PTPRD: variants seen among roughly 807,000 people sequenced by gnomAD.
PTPRD encodes receptor-type tyrosine-protein phosphatase delta.
PTPRD carries 34 observed loss-of-function variants against 214.5 expected under a neutral mutation model. The observed-to-expected ratio is 0.16, with a 90% CI of 0.12 to 0.21. The LOEUF is 0.21. PTPRD is among the 10% of genes least tolerant of loss of function. The probability of loss-of-function intolerance (pLI) is 1.00; values close to 1 mark genes in which losing one functional copy is unlikely to be tolerated. For missense variants in PTPRD, 2,545 were observed against 2,398.7 expected (o/e 1.06, Z -1.27); for synonymous variants, 1,128 against 845.7 (o/e 1.33, Z -5.79).
intron 11 of PTPRD, among the ~76,000 whole-genome samples, chr9:9,013,768 T>G (rs892749936): frequency 5.9e-5 from 9 of 152,122 alleles, no homozygotes; most frequent in African/African-American, 2.2e-4. Context: ...GTACCCACTG[T>G]TTTTTCCAGT....
intron 4 of PTPRD, among the ~76,000 whole-genome samples, chr9:9,986,187 T>A (rs535257400): frequency 3.3e-5 from 5 of 152,120 alleles, no homozygotes; most frequent in Admixed American, 1.3e-4. Flanking sequence ...CAAAGTTCTG[T>A]AGAACGCTCC....
chr9:9,836,106 G>T (rs914484345), intron 5 of PTPRD, among the ~76,000 whole-genome samples: 9 of 152,142 alleles, frequency 5.9e-5, no homozygotes, highest in Non-Finnish European at 1.2e-4. Context: ...ACTAAATCAT[G>T]GGCAGAGCCC....
rs774243888 is a variant in PTPRD, at chr9:8,319,896, C to T, written c.5605G>A (p.Val1869Ile). 1.9e-6 allele frequency: 3 copies of T among 1,613,096 alleles called. No individual in the cohort carries two copies. The highest frequency in any genetic ancestry group is 2.2e-5 in the South Asian group (2 of 91,070). Residue 1869 changes from valine (V) to isoleucine (I), a missense_variant, in exon 45 of 46, where the codon GTT (valine) becomes ATT (isoleucine). Val to Ile is a conservative substitution (Grantham distance 29). Coordinates refer to ENST00000381196, the MANE Select transcript of PTPRD (RefSeq NM_002839.4). ...TTGACAGTCTGGAAGATATCTACAA[C>T]TCCTTCATATCTCATTCTTTCCAAA... is the stretch of plus-strand genomic sequence containing the variant. ...IVLERMRYEG[V>I]VDIFQTVKML...
chr9:9,496,949 C>G (rs948640355), intron 8 of PTPRD, among the ~76,000 whole-genome samples: 2 of 152,058 alleles, frequency 1.3e-5, no homozygotes, highest in African/African-American at 2.4e-5. Flanking sequence ...TATGCTACAA[C>G]ATGGATTTTG....
intron 3 of PTPRD, among the ~76,000 whole-genome samples, chr9:10,297,216 G>T (rs966429559): frequency 1.1e-4 from 17 of 151,002 alleles, no homozygotes; most frequent in African/African-American, 4.1e-4. Context: ...CATGTTGTGT[G>T]CTGCAACTGC....
intron 7 of PTPRD, among the ~76,000 whole-genome samples, chr9:9,732,106 A>C (rs571893547): frequency 6.6e-6 from 1 of 152,092 alleles, no homozygotes; most frequent in Non-Finnish European, 1.5e-5. Context: ...GGCCTTGAGG[A>C]ATGAATAGGA....
chr9:9,596,538 TTG>T lies in PTPRD; in HGVS notation c.-286-21759_-286-21758del, dbSNP rs1272785310. Among the ~76,000 whole-genome samples, 7 of 152,108 alleles carry T rather than the reference TTG, an allele frequency of 4.6e-5. 1 individual carries two copies. The highest frequency in any genetic ancestry group is 7.2e-5 in the African/African-American group (3 of 41,560). ...CCATCACTATCATCTGATATATCAT[TTG>T]TGATTTTAGCAATGTTTTTCTAAGA... On this transcript the variant is annotated intron_variant, in intron 7 of 45. Transcript: ENST00000381196.
intron 11 of PTPRD, among the ~76,000 whole-genome samples, chr9:8,965,613 T>C (rs1325878048): frequency 6.6e-6 from 1 of 152,102 alleles, no homozygotes; most frequent in Admixed American, 6.6e-5. Flanking sequence ...TTTGCTGTTG[T>C]TGGTTTAAAG....
At chr9:9,763,374 T>A (rs575483379) in intron 6 of PTPRD, among the ~76,000 whole-genome samples, 20 of 152,316 alleles carry the variant, frequency 1.3e-4, no homozygotes, top group African/African-American at 4.8e-4. Context: ...CCCATCCATA[T>A]GTATCTGTTT....
rs568706546 is a variant in PTPRD, at chr9:8,377,866, A to G, written c.4387-1140T>C. The stretch of plus-strand genomic sequence containing the variant: ...TATGAGTATTTGTAACATTCTGTGA[A>G]TAATACTGTAATTTTCTCTTTCACA... On this transcript the variant is annotated intron_variant, in intron 37 of 45. Coordinates refer to ENST00000381196, the MANE Select transcript of PTPRD (RefSeq NM_002839.4). 2.0e-3 allele frequency among the ~76,000 whole-genome samples: 311 copies of G among 152,212 alleles called. 2 individuals carry two copies. The highest frequency in any genetic ancestry group is 7.2e-3 in the African/African-American group (301 of 41,554).
At chr9:9,929,908 T>C (rs976019509) in intron 5 of PTPRD, among the ~76,000 whole-genome samples, 5 of 152,224 alleles carry the variant, frequency 3.3e-5, no homozygotes, top group African/African-American at 1.2e-4. Context: ...ACTGCTCTGA[T>C]TTTGGATGAC....
intron 7 of PTPRD, among the ~76,000 whole-genome samples, chr9:9,606,962 T>C (rs1272885915): frequency 3.4e-5 from 2 of 59,656 alleles, no homozygotes; most frequent in African/African-American, 7.5e-5. Context: ...TACTCAGCAC[T>C]GCTAAAAAAA....
chr9:9,607,972 T>C (rs1000171575), intron 7 of PTPRD, among the ~76,000 whole-genome samples: 3 of 152,064 alleles, frequency 2.0e-5, no homozygotes, highest in African/African-American at 7.2e-5. Flanking sequence ...GAGGAAACAG[T>C]CTGGATTTGG....
intron 3 of PTPRD, among the ~76,000 whole-genome samples, chr9:10,320,971 G>A (rs1016155218): frequency 2.0e-5 from 3 of 151,796 alleles, no homozygotes; most frequent in Non-Finnish European, 4.4e-5. Flanking sequence ...CAAGCAATCC[G>A]ACCTTGGCCT....
intron 14 of PTPRD, among the ~76,000 whole-genome samples, chr9:8,603,515 A>G (rs897197703): frequency 2.8e-4 from 42 of 152,104 alleles, no homozygotes; most frequent in Admixed American, 4.6e-4. Flanking sequence ...CTTTTTTCCT[A>G]TAACGTGAAT....
intron 5 of PTPRD, among the ~76,000 whole-genome samples, chr9:9,925,834 G>GTTTGTTTGT (rs1369203182): frequency 6.6e-6 from 1 of 151,870 alleles, no homozygotes; most frequent in African/African-American, 2.4e-5. Context: ...CCCTTTGTTT[G>GTTTGTTTGT]TTTGTTTGTT....
At chr9:9,883,920 G>C (rs1166778895) in intron 5 of PTPRD, among the ~76,000 whole-genome samples, 2 of 152,080 alleles carry the variant, frequency 1.3e-5, no homozygotes, top group Non-Finnish European at 2.9e-5. Context: ...CTCCTGGAAA[G>C]TCAAGCTGAA....
At chr9:8,463,915 G>C (rs956163486) in intron 32 of PTPRD, among the ~76,000 whole-genome samples, 3 of 151,690 alleles carry the variant, frequency 2.0e-5, no homozygotes, top group Admixed American at 1.3e-4. Flanking sequence ...GTCTCTCCTA[G>C]GCCTGCAAAT....
intron 2 of PTPRD, among the ~76,000 whole-genome samples, chr9:10,436,370 C>T (rs2098717750): frequency 6.6e-6 from 1 of 151,634 alleles, no homozygotes; most frequent in Admixed American, 6.6e-5. Context: ...TCCCAACCCT[C>T]ACTATAAATG....
Sources: allele counts gnomAD v4.1 joint callset (sites outside exome capture counted in the v4.1 genomes callset), GRCh38; gene constraint gnomAD v4.1.1; transcripts MANE v1.5; gene names NCBI Gene and HGNC (gene_info 2026-07-23, HGNC 2026-07-21).